Variants in CYFIP2 observed in about 807,000 individuals in gnomAD.
The protein encoded by CYFIP2 is cytoplasmic FMR1-interacting protein 2.
CYFIP2 carries 29 observed loss-of-function variants against 158.7 expected under a neutral mutation model. The ratio of observed to expected loss-of-function variants is 0.18; its 90% confidence interval spans 0.14 to 0.25. The LOEUF (loss-of-function observed/expected upper bound fraction) is 0.25, where lower values mean the gene tolerates loss of function less well. CYFIP2 is among the 10% of genes least tolerant of loss of function. CYFIP2 has a pLI of 1.00. For synonymous variants in CYFIP2, 585 were observed against 617.6 expected (o/e 0.95, Z 0.78); for missense variants, 852 against 1,639.5 (o/e 0.52, Z 8.29).
chr5:157,376,256 C>G (rs534532563), intron 26 of CYFIP2: 1 of 152,388 alleles, frequency 6.6e-6, no homozygotes, highest in Admixed American at 6.5e-5. Context: ...CTCCAAAGCC[C>G]TTTGTCAGCA....
At chr5:157,330,240 ATG>A (rs58447290) in intron 19 of CYFIP2, among the ~76,000 whole-genome samples, 28,871 of 143,984 alleles carry the variant, frequency 0.2, 2,984 homozygotes, top group Admixed American at 0.33. Context: ...GAGATTTAAA[ATG>A]TGTGTGTGTG....
intron 2 of CYFIP2, 123 bp from the exon 3 acceptor site, chr5:157,286,896 C>T (rs1465903689): frequency 6.1e-6 from 4 of 653,808 alleles, no homozygotes; most frequent in South Asian, 1.7e-5. Context: ...TGAAAGGTGA[C>T]GCAGCAGGAG....
chr5:157,276,336 G>C (rs1316369548), intron 1 of CYFIP2, among the ~76,000 whole-genome samples: 2 of 152,102 alleles, frequency 1.3e-5, no homozygotes, highest in African/African-American at 4.8e-5. Context: ...TTTTTATCAT[G>C]AAGGCGTTGA....
chr5:157,279,034 A>G (rs940286238), intron 1 of CYFIP2, among the ~76,000 whole-genome samples: 3 of 152,220 alleles, frequency 2.0e-5, no homozygotes, highest in Non-Finnish European at 2.9e-5. Flanking sequence ...CTTTCATTCT[A>G]TTGTATAGAA....
chr5:157,356,976 CT>C (rs1763453012), intron 23 of CYFIP2, among the ~76,000 whole-genome samples: 1 of 152,216 alleles, frequency 6.6e-6, no homozygotes, highest in South Asian at 2.1e-4. Context: ...CATTTTATCC[CT>C]ATGTAAGCTA....
At chr5:157,390,823 T>A (rs1581214418) in intron 30 of CYFIP2, among the ~76,000 whole-genome samples, 155 bp downstream of exon 30, 1 of 151,962 alleles carries the variant, frequency 6.6e-6, no homozygotes, top group South Asian at 2.1e-4. Context: ...TTAGAGGAAG[T>A]CGTGAGGTCG....
At chr5:157,314,495 G>T in intron 12 of CYFIP2, 32 bp downstream of exon 12, 2 of 1,600,012 alleles carry the variant, frequency 1.2e-6, no homozygotes, top group South Asian at 2.2e-5. Context: ...GCCTCACACT[G>T]ACCTCTCTTT....
chr5:157,334,698 A>G (rs1174241858), intron 21 of CYFIP2, among the ~76,000 whole-genome samples: 1 of 152,176 alleles, frequency 6.6e-6, no homozygotes, highest in African/African-American at 2.4e-5. Flanking sequence ...AAAAAAAAAA[A>G]GTGAATGATA....
At chr5:157,375,307 C>A (rs1197977414) in intron 26 of CYFIP2, among the ~76,000 whole-genome samples, 1 of 152,182 alleles carries the variant, frequency 6.6e-6, no homozygotes, top group African/African-American at 2.4e-5. Context: ...TATACTCTGC[C>A]TGTGTCCAAA....
intron 26 of CYFIP2, chr5:157,365,055 T>C (rs2113394281): frequency 6.6e-6 from 1 of 152,078 alleles, no homozygotes; most frequent in African/African-American, 2.4e-5. Flanking sequence ...CAAATAACTC[T>C]GCATTGAAAA....
chr5:157,268,659 G>A (rs1290034630), intron 1 of CYFIP2, among the ~76,000 whole-genome samples: 4 of 152,214 alleles, frequency 2.6e-5, no homozygotes, highest in South Asian at 4.1e-4. Context: ...TCACAAAATG[G>A]CCTTTTGTAG....
chr5:157,377,018 T>C, intron 26 of CYFIP2: 1 of 390,074 alleles, frequency 2.6e-6, no homozygotes. Context: ...GGGGTCCTTT[T>C]ACTCCCGCCC....
intron 23 of CYFIP2, chr5:157,345,474 C>G (rs745631490): frequency 3.9e-5 from 6 of 152,556 alleles, no homozygotes; most frequent in South Asian, 2.1e-4. Flanking sequence ...TTTGCCCGGC[C>G]CTTCTCCAAG....
At chr5:157,352,502 A>G (rs1025097318) in intron 23 of CYFIP2, among the ~76,000 whole-genome samples, 1 of 152,058 alleles carries the variant, frequency 6.6e-6, no homozygotes, top group African/African-American at 2.4e-5. Flanking sequence ...GCATGGTACC[A>G]CTTCTACAAG....
intron 1 of CYFIP2, among the ~76,000 whole-genome samples, chr5:157,276,827 A>G (rs1357807406): frequency 6.6e-6 from 1 of 152,114 alleles, no homozygotes; most frequent in African/African-American, 2.4e-5. Flanking sequence ...GTTTATGTTC[A>G]TTACTATGTT....
Position 157,386,973 on chromosome 5 carries a change from A to G in CYFIP2, c.3208-2216A>G, listed in dbSNP as rs1009675179. On this transcript the variant is annotated intron_variant, in intron 28 of 30. Transcript: ENST00000620254. ...GGATGGTGTCTTTAGAATTGTTCATAATTGTGAGTTTGTAAACAATTTAAG... is the reference window on the plus strand; with the variant it reads ...GGATGGTGTCTTTAGAATTGTTCATGATTGTGAGTTTGTAAACAATTTAAG... 2.0e-5 allele frequency among the ~76,000 whole-genome samples: 3 copies of G among 151,846 alleles called. No individual in the cohort carries two copies. In the East Asian group the frequency reaches 5.8e-4, roughly 29 times the overall value.
At position 157,320,759 on chromosome 5, in the gene CYFIP2, A is replaced by G. The variant is rs748115365; in HGVS notation, c.1628A>G (p.Asp543Gly). 5 of 1,611,712 alleles carry G rather than the reference A, an allele frequency of 3.1e-6. No homozygotes were observed. The South Asian group carries it at 5.5e-5, about 18-fold the overall frequency. Residue 543 changes from aspartate to glycine, a missense_variant, in exon 15 of 31, where the codon GAT (aspartate) becomes GGT (glycine). This residue lies in a region of CYFIP2 where 167 missense variants were observed against 343.3 expected (regional missense o/e 0.49). Transcript: ENST00000620254. ...GAGAAGGACCCCAAAGGTGGATTTG[A>G]TATCAAGGTGCCCCGGCGTGCTGTG... ...RGEKDPKGGFDIKVPRRAVGP... is the reference protein window; with the variant it reads ...RGEKDPKGGFGIKVPRRAVGP...
At chr5:157,349,768 G>A (rs1241153898) in intron 23 of CYFIP2, among the ~76,000 whole-genome samples, 6 of 152,120 alleles carry the variant, frequency 3.9e-5, no homozygotes, top group East Asian at 1.9e-4. Context: ...CCACATCCAC[G>A]CCAACATCTA....
chr5:157,323,368 GT>G (rs562813807), intron 15 of CYFIP2, among the ~76,000 whole-genome samples: 40 of 152,282 alleles, frequency 2.6e-4, no homozygotes, highest in African/African-American at 9.4e-4. Context: ...GTGGGAGGGG[GT>G]TCGTTCTGAT....
Sources: gnomAD v4.1 joint callset for allele counts (sites outside exome capture counted in the v4.1 genomes callset) on GRCh38, gnomAD v4.1.1 for gene constraint, gnomAD v4.1.1 regional missense constraint, MANE v1.5 for transcripts, NCBI Gene and HGNC (gene_info 2026-07-23, HGNC 2026-07-21) for gene names.